Variants in MALRD1 observed in about 807,000 individuals in gnomAD.
MALRD1 encodes MAM and LDL receptor class A domain containing 1, also known as MAM and LDL-receptor class A domain-containing protein 1.
In MALRD1, 247 loss-of-function variants were observed where a neutral mutation model predicts 242.1. The observed-to-expected ratio is 1.02, with a 90% CI of 0.92 to 1.13. The LOEUF (loss-of-function observed/expected upper bound fraction) is 1.13, where lower values mean the gene tolerates loss of function less well. MALRD1 is among the 50% of genes most tolerant of loss of function. The pLI, the probability that MALRD1 is intolerant of heterozygous loss-of-function variation, is 0.00. For synonymous variants in MALRD1, 995 were observed against 866.6 expected, an observed-to-expected ratio of 1.15 and a Z score of -2.60; for missense variants, 2,989 against 2,533.1, an observed-to-expected ratio of 1.18 and a Z score of -3.86.
intron 33 of MALRD1, among the ~76,000 whole-genome samples, chr10:19,574,899 G>A (rs1358802201): frequency 6.6e-6 from 1 of 152,148 alleles, no homozygotes; most frequent in African/African-American, 2.4e-5. Context: ...ATTGCAGTTA[G>A]ATGCAGAAGA....
At chr10:19,684,935 T>C (rs1842517541) in intron 36 of MALRD1, among the ~76,000 whole-genome samples, 1 of 152,188 alleles carries the variant, frequency 6.6e-6, no homozygotes, top group South Asian at 2.1e-4. Flanking sequence ...CAGTATACTA[T>C]GATACAGAAT....
At chr10:19,534,813 G>C (rs1254324321) in intron 32 of MALRD1, among the ~76,000 whole-genome samples, 1 of 151,958 alleles carries the variant, frequency 6.6e-6, no homozygotes, top group Non-Finnish European at 1.5e-5. Flanking sequence ...TTTATATCTA[G>C]AAATTTATTG....
chr10:19,636,061 T>G (rs1380376635), intron 36 of MALRD1, among the ~76,000 whole-genome samples: 5 of 152,090 alleles, frequency 3.3e-5, no homozygotes, highest in Admixed American at 3.3e-4. Flanking sequence ...CCACCACGCC[T>G]GGCTAATTTT....
At chr10:19,682,762 C>T (rs943813717) in intron 36 of MALRD1, among the ~76,000 whole-genome samples, 1 of 152,180 alleles carries the variant, frequency 6.6e-6, no homozygotes, top group Admixed American at 6.5e-5. Flanking sequence ...TCAATTTCCC[C>T]TTCTGCTGAC....
At chr10:19,109,413 G>C (rs184962473) in intron 5 of MALRD1, among the ~76,000 whole-genome samples, 2 of 152,306 alleles carry the variant, frequency 1.3e-5, no homozygotes, top group East Asian at 1.9e-4. Flanking sequence ...GATGCATGAG[G>C]ACTGCTCTAT....
intron 34 of MALRD1, among the ~76,000 whole-genome samples, chr10:19,605,747 A>G (rs560319875): frequency 1.3e-5 from 2 of 152,026 alleles, no homozygotes; most frequent in Non-Finnish European, 2.9e-5. Flanking sequence ...ATCTACAACA[A>G]TGCTTTGCCT....
chr10:19,635,570 A>G (rs1005803243), intron 36 of MALRD1, among the ~76,000 whole-genome samples: 5 of 152,216 alleles, frequency 3.3e-5, no homozygotes, highest in Non-Finnish European at 4.4e-5. Flanking sequence ...CGGAAAGAAA[A>G]AAAGATTAAA....
chr10:19,491,735 G>A (rs1837502945), intron 30 of MALRD1, 90 bp downstream of exon 30: 1 of 1,391,012 alleles, frequency 7.2e-7, no homozygotes, highest in Non-Finnish European at 9.7e-7. Context: ...TGATGGAGAA[G>A]AAATATTATT....
chr10:19,269,560 T>A (rs920233950), intron 19 of MALRD1, among the ~76,000 whole-genome samples: 2 of 152,212 alleles, frequency 1.3e-5, no homozygotes, highest in Non-Finnish European at 2.9e-5. Flanking sequence ...CAGTCACACA[T>A]GAAGAACCGG....
chr10:19,554,485 C>G (rs1220649766), intron 32 of MALRD1, among the ~76,000 whole-genome samples: 1 of 152,044 alleles, frequency 6.6e-6, no homozygotes, highest in African/African-American at 2.4e-5. Context: ...ACCTATCAAC[C>G]TATAACCTAA....
intron 8 of MALRD1, among the ~76,000 whole-genome samples, chr10:19,131,493 CT>C (rs1833105018): frequency 6.6e-6 from 1 of 152,134 alleles, no homozygotes; most frequent in East Asian, 1.9e-4. Flanking sequence ...TAAAATAATA[CT>C]CATAGCAACA....
intron 36 of MALRD1, among the ~76,000 whole-genome samples, chr10:19,663,710 G>A (rs533164683): frequency 9.6e-4 from 146 of 152,132 alleles, no homozygotes; most frequent in Middle Eastern, 3.4e-3. Flanking sequence ...GACAGCATCC[G>A]GCTCTCAAAC....
At chr10:19,135,870 T>C (rs1484366731) in intron 9 of MALRD1, among the ~76,000 whole-genome samples, 1 of 152,222 alleles carries the variant, frequency 6.6e-6, no homozygotes, top group Non-Finnish European at 1.5e-5. Context: ...GACATTATCT[T>C]ACACTTGACC....
Position 19,500,033 on chromosome 10 carries a change from TTG to T in MALRD1, c.5320+1391_5320+1392del, listed in dbSNP as rs1160954694. Among the ~76,000 whole-genome samples, 3 of 152,188 alleles carry T rather than the reference TTG, an allele frequency of 2.0e-5. No individual in the cohort carries two copies. In the East Asian group the frequency reaches 5.8e-4, roughly 29 times the overall value. On this transcript the variant is annotated intron_variant, in intron 31 of 39. Transcript: ENST00000454679. ...TTTTCAAGTATTTTGTTGAGGATTTTTGTGTCTGTGTTTATCAGGGATATTGG... is the reference window on the plus strand; with the variant it reads ...TTTTCAAGTATTTTGTTGAGGATTTTTGTCTGTGTTTATCAGGGATATTGG...
At chr10:19,293,683 T>C (rs1483867326) in intron 21 of MALRD1, among the ~76,000 whole-genome samples, 1 of 152,114 alleles carries the variant, frequency 6.6e-6, no homozygotes, top group Non-Finnish European at 1.5e-5. Flanking sequence ...ATGCTCTCAC[T>C]TATAAGTGGG....
At chr10:19,379,053 G>A (rs1261351100) in intron 26 of MALRD1, among the ~76,000 whole-genome samples, 1 of 151,910 alleles carries the variant, frequency 6.6e-6, no homozygotes. Flanking sequence ...AGGAATTGAT[G>A]TATTTCACCA....
At chr10:19,284,033 CT>C (rs1190356883) in intron 21 of MALRD1, among the ~76,000 whole-genome samples, 2 of 152,156 alleles carry the variant, frequency 1.3e-5, no homozygotes, top group Non-Finnish European at 2.9e-5. Flanking sequence ...TGGAGCATTT[CT>C]TTCTGAATGG....
At chr10:19,140,983 A>G (rs1833520735) in intron 10 of MALRD1, among the ~76,000 whole-genome samples, 1 of 152,200 alleles carries the variant, frequency 6.6e-6, no homozygotes, top group African/African-American at 2.4e-5. Flanking sequence ...AAATGATGCT[A>G]ATTAGCTTTA....
At chr10:19,164,615 G>A (rs1221079113) in intron 12 of MALRD1, among the ~76,000 whole-genome samples, 1 of 152,092 alleles carries the variant, frequency 6.6e-6, no homozygotes, top group Admixed American at 6.6e-5. Context: ...TGTTTTAATG[G>A]AGGTTTTGTG....
Sources: allele counts gnomAD v4.1 joint callset (sites outside exome capture counted in the v4.1 genomes callset), GRCh38; gene constraint gnomAD v4.1.1; transcripts MANE v1.5; gene names NCBI Gene and HGNC (gene_info 2026-07-23, HGNC 2026-07-21).